Variants in PPIL4 observed in about 807,000 individuals in gnomAD.
PPIL4 encodes peptidylprolyl isomerase like 4.
Under a neutral mutation model 69.1 loss-of-function variants are expected in PPIL4, and 50 were observed. The observed-to-expected ratio is 0.72, with a 90% CI of 0.58 to 0.92. The LOEUF (loss-of-function observed/expected upper bound fraction) is 0.92, where lower values mean the gene tolerates loss of function less well. PPIL4 is among the 40% of genes least tolerant of loss of function. The pLI is 0.00. For missense variants in PPIL4, 480 were observed against 587.9 expected (o/e 0.82, Z 1.90); for synonymous variants, 193 against 191.6 (o/e 1.01, Z -0.06).
intron 12 of PPIL4, among the ~76,000 whole-genome samples, chr6:149,509,997 C>T (rs918907432): frequency 1.3e-5 from 2 of 152,012 alleles, no homozygotes; most frequent in African/African-American, 4.8e-5. Context: ...TGGGATCAAG[C>T]GATTCTCCTG....
intron 11 of PPIL4, 55 bp downstream of exon 11, chr6:149,517,299 C>T: frequency 1.0e-6 from 1 of 956,418 alleles, no homozygotes; most frequent in Non-Finnish European, 1.7e-6. Flanking sequence ...ACACAGTACT[C>T]TACACATAGC....
chr6:149,542,809 CT>C (rs1241868230), intron 1 of PPIL4, among the ~76,000 whole-genome samples: 1 of 152,026 alleles, frequency 6.6e-6, no homozygotes, highest in Non-Finnish European at 1.5e-5. Context: ...ATGAAAAGGC[CT>C]GGAAGTGGAA....
At chr6:149,522,655 C>T (rs183507513) in intron 9 of PPIL4, among the ~76,000 whole-genome samples, 8 of 152,218 alleles carry the variant, frequency 5.3e-5, no homozygotes, top group Admixed American at 5.2e-4. Flanking sequence ...GCTCTGTCGC[C>T]AGGTTGGAGT....
At position 149,545,894 on chromosome 6, in the gene PPIL4, C is replaced by G. The variant is rs747764813; in HGVS notation, c.70+42G>C. The G allele has an allele frequency of 9.1e-6, 14 of 1,544,128 alleles. No homozygotes were observed. The Admixed American group carries it at 2.5e-4, about 27-fold the overall frequency. On this transcript the variant is annotated intron_variant, in intron 1 of 12. Coordinates refer to ENST00000253329, the MANE Select transcript of PPIL4 (RefSeq NM_139126.4). Reference sequence around the variant, plus strand: ...AGAGAAGGGAAAGTAGGGAGACAAGCTCGGGGGCCCCGGCGACAGGTGAGT... The same window carrying G: ...AGAGAAGGGAAAGTAGGGAGACAAGGTCGGGGGCCCCGGCGACAGGTGAGT...
At chr6:149,530,265 T>C (rs539935520) in intron 7 of PPIL4, among the ~76,000 whole-genome samples, 2 of 152,254 alleles carry the variant, frequency 1.3e-5, no homozygotes, top group East Asian at 3.9e-4. Context: ...ATGTTCAGTT[T>C]TTCTGTAATT....
At chr6:149,528,443 A>G (rs1777142224) in intron 7 of PPIL4, among the ~76,000 whole-genome samples, 1 of 152,248 alleles carries the variant, frequency 6.6e-6, no homozygotes, top group African/African-American at 2.4e-5. Flanking sequence ...CATAAAAGCT[A>G]TGAGGTTCAA....
chr6:149,527,135 G>A (rs367864625), intron 7 of PPIL4, among the ~76,000 whole-genome samples: 15 of 152,308 alleles, frequency 9.8e-5, no homozygotes, highest in South Asian at 2.1e-4. Context: ...AAGGGGGGCA[G>A]ATACTTGAGG....
At chr6:149,532,289 CAA>C (rs1777211276) in intron 7 of PPIL4, among the ~76,000 whole-genome samples, 1 of 152,070 alleles carries the variant, frequency 6.6e-6, no homozygotes, top group Non-Finnish European at 1.5e-5. Flanking sequence ...TATCTGAAAA[CAA>C]AAAGTTTTAA....
intron 12 of PPIL4, among the ~76,000 whole-genome samples, chr6:149,509,564 G>T (rs917732462): frequency 6.6e-6 from 1 of 152,148 alleles, no homozygotes; most frequent in African/African-American, 2.4e-5. Context: ...AGACTGATGC[G>T]ACCTCAGACT....
intron 8 of PPIL4, 113 bp downstream of exon 8, chr6:149,526,539 C>A: frequency 1.1e-6 from 1 of 948,028 alleles, no homozygotes; most frequent in Non-Finnish European, 1.6e-6. Flanking sequence ...TGTAAAAATT[C>A]ACCAGTACAA....
At chr6:149,505,888 T>G (rs1583201471) in intron 12 of PPIL4, among the ~76,000 whole-genome samples, 184 bp from the exon 13 acceptor site, 1 of 152,200 alleles carries the variant, frequency 6.6e-6, no homozygotes, top group Non-Finnish European at 1.5e-5. Flanking sequence ...AGAAAAAGGT[T>G]TAACAACGTC....
At chr6:149,541,335 A>C in intron 3 of PPIL4, 32 bp downstream of exon 3, 1 of 914,838 alleles carries the variant, frequency 1.1e-6, no homozygotes. Context: ...ATAAATAAAT[A>C]AATAAATAAA....
chr6:149,536,471 A>G (rs1777277199), intron 4 of PPIL4, among the ~76,000 whole-genome samples: 1 of 152,218 alleles, frequency 6.6e-6, no homozygotes, highest in Non-Finnish European at 1.5e-5. Context: ...TTCTTAAAGA[A>G]AATTAGAAGT....
At chr6:149,530,655 T>C (rs1453759456) in intron 7 of PPIL4, among the ~76,000 whole-genome samples, 1 of 136,190 alleles carries the variant, frequency 7.3e-6, no homozygotes, top group African/African-American at 2.8e-5. Flanking sequence ...CGAGACTCCA[T>C]CTCGGAAAAA....
At chr6:149,506,451 A>C in intron 12 of PPIL4, among the ~76,000 whole-genome samples, 1 of 152,218 alleles carries the variant, frequency 6.6e-6, no homozygotes. Context: ...CAGCCTGGGC[A>C]ACAAGAGCGA....
chr6:149,513,401 AAAAAAAAAAAAATATAT>A (rs1562256547), intron 11 of PPIL4, among the ~76,000 whole-genome samples: 2 of 106,192 alleles, frequency 1.9e-5, no homozygotes, highest in African/African-American at 3.6e-5. Flanking sequence ...AAAAAAAAAA[AAAAAAAAAAAAATATAT>A]ATATATATAT....
chr6:149,535,350 C>T (rs369997974), intron 5 of PPIL4, among the ~76,000 whole-genome samples: 1 of 151,832 alleles, frequency 6.6e-6, no homozygotes, highest in African/African-American at 2.4e-5. Context: ...CATGAGACTC[C>T]GTCTCAAAAA....
At position 149,511,227 on chromosome 6, in the gene PPIL4, T is replaced by TA. The variant is rs754909559; in HGVS notation, c.1227+927dup. ...AAAACAAAAGCAAGGAGCTCTGATG[T>TA]AAAAAAAAAAAAAAAATTTTTTTTG... On this transcript the variant is annotated intron_variant, in intron 12 of 12. Coordinates refer to ENST00000253329, the MANE Select transcript of PPIL4 (RefSeq NM_139126.4). Among the ~76,000 whole-genome samples the TA allele has an allele frequency of 7.8e-3, 1,108 of 141,760 alleles. 8 individuals are homozygous for TA. The highest frequency in any genetic ancestry group is 0.024 in the African/African-American group (927 of 38,664). 93.0% of individuals were successfully genotyped at this position (141,760 alleles called of 152,430 possible).
intron 8 of PPIL4, among the ~76,000 whole-genome samples, chr6:149,526,013 C>T (rs921810563): frequency 6.6e-6 from 1 of 152,132 alleles, no homozygotes; most frequent in African/African-American, 2.4e-5. Context: ...GCAGAAGAAT[C>T]ACTTGAACCC....
Sources: allele counts gnomAD v4.1 joint callset (sites outside exome capture counted in the v4.1 genomes callset), GRCh38; gene constraint gnomAD v4.1.1; transcripts MANE v1.5; gene names NCBI Gene and HGNC (gene_info 2026-07-23, HGNC 2026-07-21).